CHODL: variants seen among roughly 807,000 people sequenced by gnomAD.
The protein encoded by CHODL is chondrolectin.
Under a neutral mutation model 34.5 loss-of-function variants are expected in CHODL, and 29 were observed. The observed-to-expected ratio is 0.84, with a 90% confidence interval of 0.63 to 1.15. CHODL has a LOEUF of 1.15. Among genes scored for constraint, CHODL ranks in the 50% most tolerant of loss-of-function variants. The pLI, the probability that CHODL is intolerant of heterozygous loss-of-function variation, is 0.00. For missense variants in CHODL, 332 were observed against 332.5 expected (o/e 1.00, Z 0.01); for synonymous variants, 125 against 116.1 (o/e 1.08, Z -0.49).
At position 18,238,583 on chromosome 21, in the gene CHODL, C is replaced by T. The variant is rs538919525; in HGVS notation, c.-44-17926C>T. ...GGTGGGGACACAGAGCCAAACCATACCAATGTGGTTATGTGAAAGTTCAGG... is the reference window on the plus strand; with the variant it reads ...GGTGGGGACACAGAGCCAAACCATATCAATGTGGTTATGTGAAAGTTCAGG... On this transcript the variant is annotated intron_variant, in intron 2 of 6. Coordinates refer to the CHODL transcript ENST00000400127. 2.0e-4 allele frequency among the ~76,000 whole-genome samples: 31 copies of T among 152,038 alleles called. 1 individual carries two copies. In the South Asian group the frequency reaches 5.6e-3, roughly 28 times the overall value.
At chr21:18,145,944 T>A (rs992802660) in intron 2 of CHODL, among the ~76,000 whole-genome samples, 1 of 151,326 alleles carries the variant, frequency 6.6e-6, no homozygotes, top group Admixed American at 6.6e-5. Flanking sequence ...AGGAAAAGTT[T>A]ATTTTTTGGT....
intron 1 of CHODL, among the ~76,000 whole-genome samples, chr21:17,918,519 A>G (rs2063158798): frequency 6.6e-6 from 1 of 152,076 alleles, no homozygotes; most frequent in Admixed American, 6.5e-5. Context: ...TAAAAACATC[A>G]AATGTCTTGA....
Position 17,996,182 on chromosome 21 carries a change from A to G in CHODL, c.-144-31690A>G, listed in dbSNP as rs530518896. Among the ~76,000 whole-genome samples, 5 of 152,286 alleles carry G rather than the reference A, an allele frequency of 3.3e-5. No individual in the cohort carries two copies. The South Asian group carries it at 1.0e-3, about 32-fold the overall frequency. ...TATATTAAGGTTATCATGTTCCCCA[A>G]GACAGAACATTATTCTTTTTGATAA... On this transcript the variant is annotated intron_variant, in intron 1 of 6. Coordinates refer to the CHODL transcript ENST00000400127.
At chr21:18,159,479 T>C (rs916951145) in intron 2 of CHODL, among the ~76,000 whole-genome samples, 14 of 152,210 alleles carry the variant, frequency 9.2e-5, no homozygotes, top group African/African-American at 3.4e-4. Context: ...CTTGAAATAT[T>C]ATTGGAGTGA....
chr21:18,231,679 G>A (rs1484659042), intron 2 of CHODL, among the ~76,000 whole-genome samples: 1 of 151,980 alleles, frequency 6.6e-6, no homozygotes, highest in Non-Finnish European at 1.5e-5. Flanking sequence ...ACAGTAAAGT[G>A]CAAAAGTCAT....
At chr21:18,126,481 G>A (rs908187168) in intron 2 of CHODL, among the ~76,000 whole-genome samples, 2 of 152,102 alleles carry the variant, frequency 1.3e-5, no homozygotes, top group Admixed American at 6.5e-5. Flanking sequence ...CAATATTTTT[G>A]AGATGTGCTT....
intron 2 of CHODL, among the ~76,000 whole-genome samples, chr21:18,192,278 C>T (rs1195564527): frequency 6.6e-6 from 1 of 152,124 alleles, no homozygotes; most frequent in Non-Finnish European, 1.5e-5. Context: ...TGAAGGGTAT[C>T]CAGACATTCA....
At chr21:18,081,129 G>T (rs150142) in intron 2 of CHODL, among the ~76,000 whole-genome samples, 63,503 of 151,728 alleles carry the variant, frequency 0.42, 14,346 homozygotes, top group Non-Finnish European at 0.51. Context: ...GGATTTTGTC[G>T]TTGGCTGGAT....
chr21:18,013,605 T>C (rs1024614933), intron 1 of CHODL, among the ~76,000 whole-genome samples: 4 of 151,224 alleles, frequency 2.6e-5, no homozygotes, highest in Non-Finnish European at 5.9e-5. Context: ...TAGACAAATA[T>C]TACAGATCAT....
intron 2 of CHODL, among the ~76,000 whole-genome samples, chr21:18,131,787 C>G (rs2824642): frequency 0.38 from 57,612 of 151,890 alleles, 12,110 homozygotes; most frequent in East Asian, 0.72. Flanking sequence ...AAAATTATTA[C>G]CAACACAACA....
intron 2 of CHODL, among the ~76,000 whole-genome samples, chr21:18,191,417 T>C (rs1007892061): frequency 1.3e-5 from 2 of 152,204 alleles, no homozygotes; most frequent in Non-Finnish European, 2.9e-5. Context: ...TTGCCAGGGC[T>C]CTGCAAGGTT....
At chr21:18,131,177 C>G (rs971285151) in intron 2 of CHODL, among the ~76,000 whole-genome samples, 2 of 151,964 alleles carry the variant, frequency 1.3e-5, no homozygotes, top group Non-Finnish European at 1.5e-5. Context: ...AGATTGAAAA[C>G]AATCTCTCTG....
At position 18,253,121 on chromosome 21, in the gene CHODL, A is replaced by G. The variant is rs191710680; in HGVS notation, c.80-3388A>G. Among the ~76,000 whole-genome samples, 439 of 152,222 alleles carry G rather than the reference A, an allele frequency of 2.9e-3. 1 individual carries two copies. Among genetic ancestry groups the G allele is most frequent in the African/African-American group, 0.01 (424 of 41,536 alleles). ...TAATTAGAAGTACTATCTTAATTTT[A>G]TGAGTTAATTTACATCACCATTTCT... On this transcript the variant is annotated intron_variant, in intron 1 of 5. Transcript: ENST00000299295.
chr21:18,078,182 G>A (rs932141847), intron 2 of CHODL, among the ~76,000 whole-genome samples: 4 of 152,138 alleles, frequency 2.6e-5, no homozygotes, highest in African/African-American at 9.7e-5. Context: ...ATGAGACTGG[G>A]TAATTTATAA....
chr21:18,043,891 G>A (rs552880158), intron 2 of CHODL, among the ~76,000 whole-genome samples: 3 of 152,000 alleles, frequency 2.0e-5, no homozygotes, highest in East Asian at 3.9e-4. Context: ...CGAGGGCCAA[G>A]CAAAAGGGGA....
intron 2 of CHODL, among the ~76,000 whole-genome samples, chr21:18,125,791 G>A (rs913952079): frequency 2.0e-5 from 3 of 151,866 alleles, no homozygotes; most frequent in Middle Eastern, 3.2e-3. Flanking sequence ...TATGGAAAAA[G>A]GCACCAAAAA....
At chr21:18,008,407 A>G (rs888303338) in intron 1 of CHODL, among the ~76,000 whole-genome samples, 1 of 152,148 alleles carries the variant, frequency 6.6e-6, no homozygotes, top group Non-Finnish European at 1.5e-5. Flanking sequence ...AATTGTGGGT[A>G]CTATACAGTA....
rs574079488 is a variant in CHODL at position 18,007,126 on chromosome 21, T to A, written c.-144-20746T>A. Among the ~76,000 whole-genome samples the A allele has an allele frequency of 6.9e-4, 105 of 152,098 alleles. 1 individual carries two copies. In the South Asian group the frequency reaches 0.016, roughly 24 times the overall value. On this transcript the variant is annotated intron_variant, in intron 1 of 6. Transcript: ENST00000400127. ...AAAGAATACGTGTGGAATTGAATTT[T>A]AAAAAAAACTACTTCAAGAAAAAAA... is the stretch of plus-strand genomic sequence containing the variant.
intron 2 of CHODL, among the ~76,000 whole-genome samples, chr21:18,087,526 A>G (rs1391569286): frequency 6.6e-6 from 1 of 152,170 alleles, no homozygotes; most frequent in Non-Finnish European, 1.5e-5. Flanking sequence ...ATTGCAGGGC[A>G]GTGAATATTG....
Sources: gnomAD v4.1 joint callset for allele counts (sites outside exome capture counted in the v4.1 genomes callset) on GRCh38, gnomAD v4.1.1 for gene constraint, MANE v1.5 for transcripts, NCBI Gene and HGNC (gene_info 2026-07-23, HGNC 2026-07-21) for gene names.